ZDHHC11: variants seen among roughly 807,000 people sequenced by gnomAD.
ZDHHC11 encodes palmitoyltransferase ZDHHC11.
In ZDHHC11, 44 loss-of-function variants were observed where a neutral mutation model predicts 51.3. The observed-to-expected ratio is 0.86, with a 90% CI of 0.67 to 1.10. ZDHHC11 has a LOEUF of 1.10. ZDHHC11 is among the 50% of genes least tolerant of loss of function. The probability of loss-of-function intolerance (pLI) is 0.00; values close to 1 mark genes in which losing one functional copy is unlikely to be tolerated. For synonymous variants in ZDHHC11, 163 were observed against 222.0 expected (o/e 0.73, Z 2.36); for missense variants, 400 against 537.7 (o/e 0.74, Z 2.53).
rs747162519 is a variant in ZDHHC11 at position 819,543 on chromosome 5, G to A, written c.1128C>T (p.Asp376=). 46 of 1,609,612 alleles carry A rather than the reference G, an allele frequency of 2.9e-5. 2 individuals are homozygous for A. The highest frequency in any genetic ancestry group is 6.7e-5 in the East Asian group (3 of 44,882). The change falls in exon 10 of 13, where the codon GAC becomes GAT. Residue 376 remains aspartate (D), a synonymous_variant. Coordinates refer to ENST00000283441, the MANE Select transcript of ZDHHC11 (RefSeq NM_024786.3). ...LCQFSTRVHP[D]GGSMAQEADD... ...AACTTACCTGTGCCATCGAGCCCCC[G>A]TCTGGGTGTACACGAGTGGAGAACT...
At chr5:800,742 C>G (rs143968591) in intron 12 of ZDHHC11, among the ~76,000 whole-genome samples, 17 of 151,442 alleles carry the variant, frequency 1.1e-4, no homozygotes, top group African/African-American at 3.9e-4. Context: ...TAATCAGAGA[C>G]CATCTTAAAA....
intron 3 of ZDHHC11, among the ~76,000 whole-genome samples, chr5:844,582 A>C (rs1285830404): frequency 1.3e-5 from 2 of 152,298 alleles, no homozygotes; most frequent in Non-Finnish European, 2.9e-5. Flanking sequence ...TCTCCATGGC[A>C]CCATGCTGGG....
At chr5:837,326 C>A in intron 6 of ZDHHC11, 39 bp downstream of exon 6, 5 of 1,612,352 alleles carry the variant, frequency 3.1e-6, no homozygotes, top group Non-Finnish European at 4.2e-6. Context: ...TAGACATTGT[C>A]CCAGGCCTGG....
At chr5:824,835 C>T (rs1362363126) in intron 8 of ZDHHC11, among the ~76,000 whole-genome samples, 3 of 151,424 alleles carry the variant, frequency 2.0e-5, no homozygotes, top group African/African-American at 2.4e-5. Context: ...TCCTTTATCA[C>T]AGCACTGTCC....
intron 10 of ZDHHC11, among the ~76,000 whole-genome samples, chr5:815,489 C>G (rs1210615597): frequency 6.6e-6 from 1 of 151,714 alleles, no homozygotes; most frequent in Non-Finnish European, 1.5e-5. Context: ...GTGGCATCAT[C>G]TTTCATCCCC....
intron 11 of ZDHHC11, among the ~76,000 whole-genome samples, chr5:811,276 A>C (rs182103824): frequency 0.014 from 1,945 of 136,012 alleles, 36 homozygotes; most frequent in African/African-American, 0.054. Context: ...GTAAAATCCA[A>C]AATAACCTGA....
Position 819,596 on chromosome 5 carries a change from A to T in ZDHHC11, c.1075T>A (p.Ser359Thr). 6.2e-7 allele frequency: 1 copy of T among 1,609,540 alleles called. No homozygotes were observed. The highest frequency in any genetic ancestry group is 8.5e-7 in the Non-Finnish European group (1 of 1,176,466). ...PSALGAKARN[S>T]RLICRRLCQF... ...CACAGGCGCCTGCAAATCAGCCGGG[A>T]GTTCCTGGCCTTGGCTCTGGTGGGG... The change falls in exon 10 of 13, where the codon TCC becomes ACC. Residue 359 changes from serine to threonine, a missense_variant. Around this residue, in one of 5 missense-constraint regions of ZDHHC11, gnomAD observed 231 missense variants for 227.4 expected, o/e 1.02. Transcript: ENST00000283441.
intron 7 of ZDHHC11, among the ~76,000 whole-genome samples, chr5:828,239 G>A (rs1318796530): frequency 3.3e-5 from 5 of 151,378 alleles, no homozygotes; most frequent in Non-Finnish European, 7.4e-5. Flanking sequence ...CCCGTTCTCA[G>A]TGAGCTGTTG....
chr5:800,332 T>C (rs1227148660), intron 12 of ZDHHC11, among the ~76,000 whole-genome samples: 6 of 150,578 alleles, frequency 4.0e-5, no homozygotes, highest in East Asian at 1.9e-4. Flanking sequence ...CTCTGAAGCA[T>C]TGTGAGAAGG....
intron 11 of ZDHHC11, among the ~76,000 whole-genome samples, chr5:802,532 A>C (rs2150284026): frequency 6.6e-6 from 1 of 150,956 alleles, no homozygotes; most frequent in South Asian, 2.1e-4. Context: ...ATGGAGAGGA[A>C]GTTTACCTAA....
intron 7 of ZDHHC11, among the ~76,000 whole-genome samples, chr5:829,584 A>C (rs1445407068): frequency 6.6e-6 from 1 of 151,494 alleles, no homozygotes; most frequent in Non-Finnish European, 1.5e-5. Flanking sequence ...ACTGGTACCA[A>C]TCTTATGGAA....
intron 10 of ZDHHC11, among the ~76,000 whole-genome samples, chr5:818,279 T>G (rs1276582432): frequency 6.6e-6 from 1 of 151,428 alleles, no homozygotes; most frequent in Admixed American, 6.6e-5. Flanking sequence ...GTGTGCCACA[T>G]GGAGTGAGGG....
upstream of ZDHHC11, among the ~76,000 whole-genome samples, chr5:854,712 C>T (rs534645073): frequency 3.5e-3 from 524 of 148,168 alleles, 1 homozygote; most frequent in Non-Finnish European, 4.5e-3. Context: ...GGGGACAGAC[C>T]GCACAGAGGA....
At chr5:853,477 C>T (rs115271574), upstream of ZDHHC11, among the ~76,000 whole-genome samples, 719 of 145,522 alleles carry the variant, frequency 4.9e-3, 4 homozygotes, top group African/African-American at 0.018. Flanking sequence ...GGACAGCGAG[C>T]GAGGAGCACA....
At chr5:849,490 C>T (rs13356278) in intron 1 of ZDHHC11, among the ~76,000 whole-genome samples, 3 of 151,776 alleles carry the variant, frequency 2.0e-5, no homozygotes, top group Non-Finnish European at 4.4e-5. Flanking sequence ...GGGGGAGGAG[C>T]GAGGGAGCTG....
intron 7 of ZDHHC11, among the ~76,000 whole-genome samples, 176 bp from the exon 8 acceptor site, chr5:825,427 G>C (rs1445570598): frequency 6.6e-6 from 1 of 152,122 alleles, no homozygotes; most frequent in African/African-American, 2.4e-5. Flanking sequence ...GTTATGTGCA[G>C]TGGCACACGT....
chr5:851,841 A>T (rs967975316), upstream of ZDHHC11, among the ~76,000 whole-genome samples: 4 of 152,210 alleles, frequency 2.6e-5, no homozygotes, highest in Non-Finnish European at 5.9e-5. Flanking sequence ...CTATCACCTG[A>T]GGTCAGGAGT....
intron 7 of ZDHHC11, among the ~76,000 whole-genome samples, chr5:829,437 T>C (rs1742779377): frequency 6.6e-6 from 1 of 151,972 alleles, no homozygotes; most frequent in Non-Finnish European, 1.5e-5. Context: ...ACAACCCACC[T>C]AGATTAAATC....
intron 6 of ZDHHC11, among the ~76,000 whole-genome samples, chr5:834,427 G>A (rs1348944345): frequency 6.6e-6 from 1 of 152,252 alleles, no homozygotes; most frequent in Non-Finnish European, 1.5e-5. Flanking sequence ...CTCTTGCTTG[G>A]CCTCCCAAAG....
Sources: gnomAD v4.1 joint callset for allele counts (sites outside exome capture counted in the v4.1 genomes callset) on GRCh38, gnomAD v4.1.1 for gene constraint, gnomAD v4.1.1 regional missense constraint, MANE v1.5 for transcripts, NCBI Gene and HGNC (gene_info 2026-07-23, HGNC 2026-07-21) for gene names.